Variants in RASGRP1 observed in about 807,000 individuals in gnomAD.
RASGRP1 encodes the protein RAS guanyl releasing protein 1.
In RASGRP1, 37 loss-of-function variants were observed where a neutral mutation model predicts 95.1. The ratio of observed to expected loss-of-function variants is 0.39; its 90% CI spans 0.30 to 0.51. The LOEUF (loss-of-function observed/expected upper bound fraction) is 0.51. Among genes scored for constraint, RASGRP1 ranks in the 20% least tolerant of loss-of-function variants. RASGRP1 has a pLI of 0.80. For missense variants in RASGRP1, 711 were observed against 965.4 expected (o/e 0.74, Z 3.49); for synonymous variants, 325 against 353.4 (o/e 0.92, Z 0.90).
rs150325505 is a variant in RASGRP1, at chr15:38,541,758, G to C, written c.221-15354C>G. On this transcript the variant is annotated intron_variant, in intron 2 of 16. Coordinates refer to ENST00000310803, the MANE Select transcript of RASGRP1 (RefSeq NM_005739.4). ...TCTTTGCTCAAAGAGCACTGTGATAGGTACTGTGGGATTGCAGATATAATA... is the reference window on the plus strand; with the variant it reads ...TCTTTGCTCAAAGAGCACTGTGATACGTACTGTGGGATTGCAGATATAATA... Among the ~76,000 whole-genome samples, 728 of 152,284 alleles carry C rather than the reference G, an allele frequency of 4.8e-3. 3 individuals carry two copies. Among genetic ancestry groups the C allele is most frequent in the Non-Finnish European group, 7.9e-3 (537 of 68,032 alleles).
intron 4 of RASGRP1, 135 bp downstream of exon 4, chr15:38,519,174 C>T (rs552086899): frequency 1.9e-6 from 1 of 525,810 alleles, no homozygotes; most frequent in Non-Finnish European, 3.2e-6. Context: ...AGAAAATTCA[C>T]TGTTATGAAG....
In RASGRP1 at chr15:38,503,394, G is replaced by A. The variant is rs746038845; in HGVS notation, c.1324-18C>T. 5 of 1,535,738 alleles carry A rather than the reference G, an allele frequency of 3.3e-6. No individual in the cohort carries two copies. The Admixed American group carries it at 7.1e-5, about 22-fold the overall frequency. On this transcript the variant is annotated intron_variant, in intron 10 of 16. Coordinates refer to ENST00000310803, the MANE Select transcript of RASGRP1 (RefSeq NM_005739.4). Reference sequence around the variant, plus strand: ...GTTAGTGGCTAAAATGAAATATTTAGAGAAATCCTCATGACTACAATGCAA... The same window carrying A: ...GTTAGTGGCTAAAATGAAATATTTAAAGAAATCCTCATGACTACAATGCAA...
intron 2 of RASGRP1, among the ~76,000 whole-genome samples, chr15:38,554,840 G>A (rs1035916607): frequency 6.6e-6 from 1 of 152,244 alleles, no homozygotes; most frequent in African/African-American, 2.4e-5. Context: ...GCGACTGGGA[G>A]GTTCCACTGA....
At chr15:38,495,403 AAAAGT>A (rs1172736883) in intron 15 of RASGRP1, among the ~76,000 whole-genome samples, 1 of 152,180 alleles carries the variant, frequency 6.6e-6, no homozygotes, top group African/African-American at 2.4e-5. Flanking sequence ...AATTTCCTGG[AAAAGT>A]AAAGTAAGAG....
chr15:38,490,636 T>C lies in RASGRP1; in HGVS notation c.2312A>G (p.Tyr771Cys). Residue 771 changes from tyrosine to cysteine, a missense_variant, in exon 17 of 17, where the codon TAT becomes TGT. Physicochemically the swap from Tyr to Cys is radical, Grantham distance 194. Around this residue, in one of 3 missense-constraint regions of RASGRP1, gnomAD observed 212 missense variants for 247.8 expected, o/e 0.86. Transcript: ENST00000310803. ...DNDALKIQLK[Y>C]AQKKIESLQL... ...GAGGGATTCTATTTTCTTCTGTGCA[T>C]ATTTCAGTTGGATCTTTAGGGCATC... The C allele has an allele frequency of 6.2e-7, 1 of 1,613,330 alleles. No homozygotes were observed. Among genetic ancestry groups the C allele is most frequent in the Admixed American group, 1.7e-5 (1 of 60,016 alleles).
At chr15:38,515,772 C>G (rs1891733846) in intron 6 of RASGRP1, among the ~76,000 whole-genome samples, 1 of 149,866 alleles carries the variant, frequency 6.7e-6, no homozygotes, top group South Asian at 2.1e-4. Flanking sequence ...CTCTCCCCGC[C>G]CCCGCACCCC....
intron 14 of RASGRP1, chr15:38,499,155 A>T: frequency 1.4e-6 from 1 of 719,590 alleles, no homozygotes; most frequent in East Asian, 2.7e-5. Context: ...TTATCAGTGA[A>T]TCTCAGCATC....
intron 13 of RASGRP1, among the ~76,000 whole-genome samples, chr15:38,500,565 C>T (rs868336587): frequency 7.9e-5 from 12 of 152,044 alleles, no homozygotes; most frequent in Non-Finnish European, 7.4e-5. Flanking sequence ...GGGCTGGTCT[C>T]GAACTCGGGG....
At chr15:38,509,039 A>C (rs1398589748) in intron 8 of RASGRP1, among the ~76,000 whole-genome samples, 2 of 151,990 alleles carry the variant, frequency 1.3e-5, no homozygotes, top group Non-Finnish European at 2.9e-5. Flanking sequence ...CCCATCATGC[A>C]CTGTGGCCAT....
chr15:38,493,179 C>CTTT (rs71418810), intron 16 of RASGRP1, among the ~76,000 whole-genome samples: 274 of 104,514 alleles, frequency 2.6e-3, no homozygotes, highest in Middle Eastern at 7.0e-3. Context: ...CACGCCGGGC[C>CTTT]TTTTTTTTTT....
At chr15:38,555,857 G>A (rs551858673) in intron 2 of RASGRP1, among the ~76,000 whole-genome samples, 13 of 152,268 alleles carry the variant, frequency 8.5e-5, no homozygotes, top group Admixed American at 7.2e-4. Context: ...TTGCTGGGGT[G>A]GAGTTGTGTA....
chr15:38,522,813 G>T (rs962852885), intron 3 of RASGRP1, among the ~76,000 whole-genome samples: 1 of 152,194 alleles, frequency 6.6e-6, no homozygotes, highest in African/African-American at 2.4e-5. Context: ...GACTGAGGAG[G>T]CCCTTTTGCT....
chr15:38,540,319 T>A (rs1200108487), intron 2 of RASGRP1, among the ~76,000 whole-genome samples: 2 of 152,234 alleles, frequency 1.3e-5, no homozygotes, highest in African/African-American at 2.4e-5. Context: ...AGTTCTCTGC[T>A]GTACACACTA....
chr15:38,546,135 T>C (rs1893094023), intron 2 of RASGRP1, among the ~76,000 whole-genome samples: 1 of 152,242 alleles, frequency 6.6e-6, no homozygotes, highest in Non-Finnish European at 1.5e-5. Flanking sequence ...AACAAGTCTA[T>C]ACTAATAATG....
intron 2 of RASGRP1, among the ~76,000 whole-genome samples, chr15:38,557,629 G>GTGTGTA (rs745934661): frequency 4.7e-4 from 70 of 147,456 alleles, no homozygotes; most frequent in South Asian, 1.3e-3. Context: ...GTGTGTGTGT[G>GTGTGTA]TATATATATA....
intron 3 of RASGRP1, among the ~76,000 whole-genome samples, chr15:38,520,962 C>G (rs1363225205): frequency 6.6e-6 from 1 of 152,056 alleles, no homozygotes. Context: ...CATATACTGC[C>G]TATAAAATCT....
chr15:38,493,179 CTTTTTT>C (rs71418810), intron 16 of RASGRP1, among the ~76,000 whole-genome samples: 166 of 104,526 alleles, frequency 1.6e-3, no homozygotes, highest in Middle Eastern at 7.1e-3. Flanking sequence ...CACGCCGGGC[CTTTTTT>C]TTTTTTTTTT....
intron 2 of RASGRP1, among the ~76,000 whole-genome samples, chr15:38,529,778 C>T (rs1892368977): frequency 6.6e-6 from 1 of 152,180 alleles, no homozygotes; most frequent in South Asian, 2.1e-4. Context: ...AACACGTTAA[C>T]TTTTCACAGA....
At position 38,494,223 on chromosome 15, in the gene RASGRP1, TCCTCCCTGTTTCTC is replaced by T. The variant is rs568366375; in HGVS notation, c.2259+145_2259+158del. ...TCCTTTCTTCCTTCCCTCCCTCTCTTCCTCCCTGTTTCTCCCTCCCTGTTTCTCCCCTCCTCCTT... is the reference window on the plus strand; with the variant it reads ...TCCTTTCTTCCTTCCCTCCCTCTCTTCCTCCCTGTTTCTCCCCTCCTCCTT... On this transcript the variant is annotated intron_variant, in intron 16 of 16. Coordinates refer to ENST00000310803, the MANE Select transcript of RASGRP1 (RefSeq NM_005739.4). The T allele has an allele frequency of 4.4e-4, 424 of 955,880 alleles. No homozygotes were observed. In the African/African-American group the frequency reaches 4.7e-3, roughly 11 times the overall value. The allele number at this position is 955,880 out of a possible 1,614,324, so 59.2% of individuals were successfully genotyped here.
Sources: gnomAD v4.1 joint callset for allele counts (sites outside exome capture counted in the v4.1 genomes callset) on GRCh38, gnomAD v4.1.1 for gene constraint, gnomAD v4.1.1 regional missense constraint, MANE v1.5 for transcripts, NCBI Gene and HGNC (gene_info 2026-07-23, HGNC 2026-07-21) for gene names.